The following CPA6 variants were observed in gnomAD, a reference collection of about 807,000 sequenced individuals.
CPA6 encodes the protein carboxypeptidase A6.
Under a neutral mutation model 63.3 loss-of-function variants are expected in CPA6, and 58 were observed. The ratio of observed to expected loss-of-function variants is 0.92; its 90% CI spans 0.74 to 1.14. CPA6 has a LOEUF of 1.14. Ranked by LOEUF, CPA6 falls within the 50% of genes most tolerant of loss-of-function variation. The pLI, the probability that CPA6 is intolerant of heterozygous loss-of-function variation, is 0.00. For synonymous variants in CPA6, 185 were observed against 179.0 expected, an observed-to-expected ratio of 1.03 and a Z score of -0.27; for missense variants, 565 against 526.6, an observed-to-expected ratio of 1.07 and a Z score of -0.71.
chr8:67,497,263 G>A (rs6472312), intron 6 of CPA6, among the ~76,000 whole-genome samples: 6 of 152,016 alleles, frequency 3.9e-5, no homozygotes, highest in Non-Finnish European at 5.9e-5. Flanking sequence ...TCCAATTCCC[G>A]CTTACTCCAT....
At chr8:67,671,636 C>T (rs1289274195) in intron 1 of CPA6, among the ~76,000 whole-genome samples, 1 of 152,154 alleles carries the variant, frequency 6.6e-6, no homozygotes, top group Non-Finnish European at 1.5e-5. Flanking sequence ...GCATAGTTTG[C>T]TTCAGAAGCA....
intron 1 of CPA6, among the ~76,000 whole-genome samples, chr8:67,651,919 A>C (rs528042497): frequency 4.7e-4 from 67 of 144,060 alleles, no homozygotes; most frequent in African/African-American, 1.7e-3. Context: ...CAGTCCCTGG[A>C]GTGTGATGTT....
rs1029891045 is a variant in CPA6, at chr8:67,434,076, A to C, written c.1003T>G (p.Ser335Ala). 4 of 1,613,608 alleles carry C rather than the reference A, an allele frequency of 2.5e-6. No homozygotes were observed. The highest frequency in any genetic ancestry group is 3.4e-6 in the Non-Finnish European group (4 of 1,179,872). The change falls in exon 9 of 11, where the codon TCT (serine) becomes GCT (alanine). Residue 335 changes from serine (S) to alanine (A), a missense_variant. Ser to Ala is a moderately conservative substitution (Grantham distance 99). Coordinates refer to ENST00000297770, the MANE Select transcript of CPA6 (RefSeq NM_020361.5). Reference sequence around the variant, plus strand: ...TTGGGAATTGTTGCATATTTGTAAGAATAGGGATACAGTAACATCTGAGCA... The same window carrying C: ...TTGGGAATTGTTGCATATTTGTAAGCATAGGGATACAGTAACATCTGAGCA... ...AYAQMLLYPY[S>A]YKYATIPNFR...
rs968222105 is a variant in CPA6, at chr8:67,467,866, G to A, written c.838+15902C>T. ...AAAAATACAAAAATTAAGCCTGGGCGACAAGAGCGAAACCCCGTCTAAAAA... is the reference window on the plus strand; with the variant it reads ...AAAAATACAAAAATTAAGCCTGGGCAACAAGAGCGAAACCCCGTCTAAAAA... On this transcript the variant is annotated intron_variant, in intron 8 of 10. Coordinates refer to ENST00000297770, the MANE Select transcript of CPA6 (RefSeq NM_020361.5). 1.9e-4 allele frequency among the ~76,000 whole-genome samples: 28 copies of A among 143,832 alleles called. 1 individual carries two copies. The East Asian group carries it at 5.2e-3, about 27-fold the overall frequency. 94.4% of individuals were successfully genotyped at this position (143,832 alleles called of 152,430 possible). A position where few individuals can be genotyped will look rare whatever the true frequency, so the allele number is the denominator to read the frequency against.
chr8:67,639,821 G>C (rs1342364268), intron 1 of CPA6, among the ~76,000 whole-genome samples: 1 of 151,556 alleles, frequency 6.6e-6, no homozygotes, highest in African/African-American at 2.4e-5. Flanking sequence ...GACAAGTGTA[G>C]GGTGAGTAAG....
intron 9 of CPA6, among the ~76,000 whole-genome samples, chr8:67,432,026 T>C (rs534769221): frequency 6.6e-6 from 1 of 152,286 alleles, no homozygotes; most frequent in African/African-American, 2.4e-5. Flanking sequence ...ACTTGGTCCT[T>C]GTCCTGGTTC....
At chr8:67,617,946 C>A (rs1307137015) in intron 2 of CPA6, among the ~76,000 whole-genome samples, 1 of 152,194 alleles carries the variant, frequency 6.6e-6, no homozygotes, top group African/African-American at 2.4e-5. Context: ...TGCAGGCTAG[C>A]AGGAGTGAGT....
chr8:67,550,612 G>C (rs968848293), intron 2 of CPA6, among the ~76,000 whole-genome samples: 6 of 152,150 alleles, frequency 3.9e-5, no homozygotes, highest in Admixed American at 2.0e-4. Flanking sequence ...AGAAATCTCA[G>C]AACTGCTTTC....
chr8:67,718,442 A>G (rs1411420770), intron 1 of CPA6, among the ~76,000 whole-genome samples: 1 of 152,196 alleles, frequency 6.6e-6, no homozygotes, highest in African/African-American at 2.4e-5. Flanking sequence ...CACCTAGGCT[A>G]GGACCATGGG....
intron 2 of CPA6, among the ~76,000 whole-genome samples, chr8:67,520,390 C>A (rs550394285): frequency 1.3e-5 from 2 of 151,976 alleles, no homozygotes; most frequent in Admixed American, 6.6e-5. Flanking sequence ...GAAATGTGCT[C>A]GGAAAGCTGT....
intron 1 of CPA6, among the ~76,000 whole-genome samples, chr8:67,724,791 T>G (rs1272995061): frequency 6.6e-6 from 1 of 152,204 alleles, no homozygotes; most frequent in Non-Finnish European, 1.5e-5. Context: ...TTTCCCAAGC[T>G]GGAGACTCTC....
At chr8:67,592,100 T>C (rs1359583398) in intron 2 of CPA6, among the ~76,000 whole-genome samples, 3 of 152,076 alleles carry the variant, frequency 2.0e-5, no homozygotes, top group Non-Finnish European at 2.9e-5. Context: ...GCTTGAAGGG[T>C]TGTTGAATTT....
At chr8:67,598,023 G>C (rs1237287875) in intron 2 of CPA6, among the ~76,000 whole-genome samples, 2 of 152,090 alleles carry the variant, frequency 1.3e-5, no homozygotes, top group African/African-American at 4.8e-5. Flanking sequence ...GATTTTTCTG[G>C]ACCATTGAGA....
intron 1 of CPA6, among the ~76,000 whole-genome samples, chr8:67,700,092 G>GT (rs1017329924): frequency 3.9e-5 from 6 of 152,142 alleles, no homozygotes; most frequent in African/African-American, 7.2e-5. Context: ...ATAAAACTGA[G>GT]TTTTTTTAAA....
intron 2 of CPA6, among the ~76,000 whole-genome samples, chr8:67,602,473 A>G (rs892360648): frequency 3.9e-5 from 6 of 152,208 alleles, no homozygotes; most frequent in Non-Finnish European, 8.8e-5. Flanking sequence ...TGAGCCCTAC[A>G]TATGTCAGGA....
intron 8 of CPA6, among the ~76,000 whole-genome samples, chr8:67,447,807 CAG>C (rs1173405279): frequency 3.3e-5 from 5 of 151,830 alleles, no homozygotes; most frequent in African/African-American, 9.7e-5. Context: ...TCTTTTGAGA[CAG>C]AGTCTTGCTC....
At chr8:67,559,653 CTTTCT>C (rs754504210) in intron 2 of CPA6, among the ~76,000 whole-genome samples, 6 of 152,046 alleles carry the variant, frequency 3.9e-5, no homozygotes, top group Non-Finnish European at 7.4e-5. Flanking sequence ...GGCAAACTTT[CTTTCT>C]TATTTATTCT....
intron 1 of CPA6, among the ~76,000 whole-genome samples, chr8:67,676,607 A>T (rs1816480211): frequency 6.6e-6 from 1 of 152,248 alleles, no homozygotes. Context: ...TTAATTGCAC[A>T]GAAATAACTG....
chr8:67,691,937 T>C (rs1399337066), intron 1 of CPA6, among the ~76,000 whole-genome samples: 1 of 152,216 alleles, frequency 6.6e-6, no homozygotes, highest in Non-Finnish European at 1.5e-5. Flanking sequence ...CCTTTTCTGG[T>C]TGATAGAGAA....
Sources: gnomAD v4.1 joint callset for allele counts (sites outside exome capture counted in the v4.1 genomes callset) on GRCh38, gnomAD v4.1.1 for gene constraint, MANE v1.5 for transcripts, NCBI Gene and HGNC (gene_info 2026-07-23, HGNC 2026-07-21) for gene names.